Variants in PI4KB observed in about 807,000 individuals in gnomAD.
PI4KB encodes phosphatidylinositol 4-kinase beta, also known as PtdIns 4-kinase beta.
A neutral mutation model predicts 81.4 loss-of-function variants in PI4KB; 23 were observed. That is an observed-to-expected ratio of 0.28 (90% confidence interval 0.20 to 0.40). PI4KB has a LOEUF of 0.40. Ranked by LOEUF, PI4KB falls within the 10% of genes least tolerant of loss-of-function variation. PI4KB has a pLI of 1.00. For synonymous variants in PI4KB, 381 were observed against 406.8 expected (o/e 0.94, Z 0.76); for missense variants, 651 against 1,036.6 (o/e 0.63, Z 5.11).
chr1:151,326,209 C>T, intron 1 of PI4KB: 1 of 1,607,590 alleles, frequency 6.2e-7, no homozygotes, highest in Non-Finnish European at 8.5e-7. Flanking sequence ...GTTCATCCCT[C>T]TTAGTGGCTG....
At chr1:151,313,439 G>A (rs1458423129) in intron 2 of PI4KB, among the ~76,000 whole-genome samples, 6 of 152,164 alleles carry the variant, frequency 3.9e-5, no homozygotes, top group Non-Finnish European at 8.8e-5. Context: ...CCAAGGATCA[G>A]CAGAGTAAGA....
intron 1 of PI4KB, 102 bp from the exon 2 acceptor site, chr1:151,316,611 A>C (rs1647985732): frequency 2.8e-6 from 2 of 725,520 alleles, no homozygotes; most frequent in Non-Finnish European, 2.1e-6. Flanking sequence ...ACACCTTCCC[A>C]GGCACCTCCT....
chr1:151,323,278 G>A (rs900457138), intron 1 of PI4KB, among the ~76,000 whole-genome samples: 2 of 152,176 alleles, frequency 1.3e-5, no homozygotes, highest in African/African-American at 4.8e-5. Context: ...GCTGAGGCGG[G>A]TGGATCACCT....
In PI4KB at chr1:151,316,023, C is replaced by A. The variant is rs145337256; in HGVS notation, c.459G>T (p.Glu153Asp). ...TGCCAATGTAGGCTTGTACTCCAGG[C>A]TCCTTGGAGTTATACAGGTATGAAA... is the stretch of plus-strand genomic sequence containing the variant. ...MAISYLYNSK[E>D]PGVQAYIGNR... Residue 153 changes from glutamate (E) to aspartate (D), a missense_variant, in exon 2 of 12, where the codon GAG becomes GAT. This residue lies in a region of PI4KB where 314 missense variants were observed against 397.8 expected (regional missense o/e 0.79). Coordinates refer to ENST00000368873, the MANE Select transcript of PI4KB (RefSeq NM_001369623.2). 2 of 1,613,944 alleles carry A rather than the reference C, an allele frequency of 1.2e-6. No individual in the cohort carries two copies. The highest frequency in any genetic ancestry group is 1.3e-5 in the African/African-American group (1 of 74,914).
chr1:151,321,179 G>A (rs1160962013), intron 1 of PI4KB, among the ~76,000 whole-genome samples: 2 of 152,120 alleles, frequency 1.3e-5, no homozygotes, highest in Non-Finnish European at 2.9e-5. Flanking sequence ...GCTAGACAGT[G>A]TTGAGAGGTG....
At chr1:151,310,092 G>C in intron 3 of PI4KB, 119 bp downstream of exon 3, 1 of 704,770 alleles carries the variant, frequency 1.4e-6, no homozygotes, top group East Asian at 2.6e-5. Context: ...TGATCTCCCA[G>C]TAAGAAAAGG....
At chr1:151,294,686 T>C (rs1694644112) in intron 9 of PI4KB, 145 bp from the exon 10 acceptor site, 1 of 661,486 alleles carries the variant, frequency 1.5e-6, no homozygotes, top group Non-Finnish European at 2.6e-6. Context: ...CAATCTCCTG[T>C]CCAGTTTCCT....
In PI4KB at chr1:151,306,276, G is replaced by A. The variant is rs999904324; in HGVS notation, c.1270C>T (p.Arg424Trp). 4.3e-6 allele frequency: 7 copies of A among 1,614,122 alleles called. No homozygotes were observed. The highest frequency in any genetic ancestry group is 5.9e-6 in the Non-Finnish European group (7 of 1,179,986). The change falls in exon 5 of 12, where the codon CGG (arginine) becomes TGG (tryptophan). Residue 424 changes from arginine (R) to tryptophan (W), a missense_variant. Coordinates refer to ENST00000368873, the MANE Select transcript of PI4KB (RefSeq NM_001369623.2). ...VPARIPENRIRSTRSVENLPE... is the reference protein window; with the variant it reads ...VPARIPENRIWSTRSVENLPE... Reference sequence around the variant, plus strand: ...AAGTTTTCTACGGACCTCGTACTCCGAATTCGGTTCTCGGGGATCCGGGCA... The same window carrying A: ...AAGTTTTCTACGGACCTCGTACTCCAAATTCGGTTCTCGGGGATCCGGGCA...
At chr1:151,327,540 A>C, upstream of PI4KB, 1 of 389,844 alleles carries the variant, frequency 2.6e-6, no homozygotes, top group African/African-American at 2.1e-5. Context: ...ATAAAATAAA[A>C]TTCCCCAGCA....
At chr1:151,299,683 C>G (rs1473983076) in intron 8 of PI4KB, among the ~76,000 whole-genome samples, 1 of 151,796 alleles carries the variant, frequency 6.6e-6, no homozygotes, top group Non-Finnish European at 1.5e-5. Flanking sequence ...GAGCGAGACT[C>G]TCTCCGACGA....
chr1:151,325,684 C>T (rs1649506516), intron 1 of PI4KB, among the ~76,000 whole-genome samples: 1 of 152,122 alleles, frequency 6.6e-6, no homozygotes, highest in Admixed American at 6.5e-5. Flanking sequence ...GACTTACACC[C>T]CTGGTTGTGG....
At chr1:151,327,049 C>G (rs1296748575) in intron 1 of PI4KB, among the ~76,000 whole-genome samples, 1 of 152,048 alleles carries the variant, frequency 6.6e-6, no homozygotes, top group Non-Finnish European at 1.5e-5. Context: ...GGGGAATCCC[C>G]GAGGCAGAGG....
chr1:151,298,166 G>A (rs1694964943), intron 9 of PI4KB, among the ~76,000 whole-genome samples: 1 of 152,220 alleles, frequency 6.6e-6, no homozygotes, highest in African/African-American at 2.4e-5. Context: ...GCTGGAATAA[G>A]AAGTGAGGAG....
intron 9 of PI4KB, among the ~76,000 whole-genome samples, chr1:151,298,156 G>C (rs1694963426): frequency 6.6e-6 from 1 of 152,216 alleles, no homozygotes; most frequent in Admixed American, 6.5e-5. Context: ...GAAATCATAT[G>C]CTGGAATAAG....
At chr1:151,313,314 A>C (rs944946922) in intron 2 of PI4KB, among the ~76,000 whole-genome samples, 5 of 152,178 alleles carry the variant, frequency 3.3e-5, no homozygotes, top group Admixed American at 3.3e-4. Context: ...TCAGGTTGGA[A>C]GAACGGCAGC....
intron 1 of PI4KB, chr1:151,326,202 C>G (rs757300463): frequency 3.2e-5 from 51 of 1,610,042 alleles, no homozygotes; most frequent in Non-Finnish European, 4.3e-5. Flanking sequence ...CAGGCCTGTT[C>G]ATCCCTCTTA....
intron 11 of PI4KB, 94 bp downstream of exon 11, chr1:151,293,924 C>T (rs137946915): frequency 1.0e-4 from 145 of 1,414,980 alleles, no homozygotes; most frequent in Non-Finnish European, 1.3e-4. Context: ...CTCCCTCAAC[C>T]GAGTCTCGTG....
chr1:151,305,734 T>C (rs1162050150), intron 5 of PI4KB, among the ~76,000 whole-genome samples: 4 of 152,206 alleles, frequency 2.6e-5, no homozygotes, highest in African/African-American at 4.8e-5. Context: ...AGGGGCCAAG[T>C]CTTGTTCACT....
At chr1:151,318,145 G>A (rs1482735048) in intron 1 of PI4KB, among the ~76,000 whole-genome samples, 2 of 152,140 alleles carry the variant, frequency 1.3e-5, no homozygotes, top group South Asian at 2.1e-4. Context: ...TTGGCTAGGC[G>A]CAGTGGCTCA....
Sources: gnomAD v4.1 joint callset for allele counts (sites outside exome capture counted in the v4.1 genomes callset) on GRCh38, gnomAD v4.1.1 for gene constraint, gnomAD v4.1.1 regional missense constraint, MANE v1.5 for transcripts, NCBI Gene and HGNC (gene_info 2026-07-23, HGNC 2026-07-21) for gene names.